The following ME1 variants were observed in gnomAD, a reference collection of about 807,000 sequenced individuals.
The protein encoded by ME1 is malic enzyme 1.
ME1 carries 74 observed loss-of-function variants against 66.4 expected under a neutral mutation model. The ratio of observed to expected loss-of-function variants is 1.11; its 90% CI spans 0.92 to 1.35. The LOEUF (loss-of-function observed/expected upper bound fraction) is 1.35, where lower values mean the gene tolerates loss of function less well. Among genes scored for constraint, ME1 ranks in the 40% most tolerant of loss-of-function variants. ME1 has a pLI of 0.00. For missense variants in ME1, 750 were observed against 694.1 expected, an observed-to-expected ratio of 1.08 and a Z score of -0.90; for synonymous variants, 251 against 235.6, an observed-to-expected ratio of 1.07 and a Z score of -0.60.
intron 12 of ME1, among the ~76,000 whole-genome samples, chr6:83,218,419 C>T (rs1347040449): frequency 6.6e-6 from 1 of 152,176 alleles, no homozygotes; most frequent in African/African-American, 2.4e-5. Context: ...TTCCCCTCCT[C>T]AGCGTGAGCA....
chr6:83,293,136 C>T (rs975497233), intron 6 of ME1, among the ~76,000 whole-genome samples: 4 of 152,132 alleles, frequency 2.6e-5, no homozygotes, highest in Non-Finnish European at 5.9e-5. Flanking sequence ...TCAGCTTGCC[C>T]TCTGTGGGCT....
At chr6:83,245,852 A>T (rs1016242) in intron 7 of ME1, among the ~76,000 whole-genome samples, 42,715 of 151,962 alleles carry the variant, frequency 0.28, 6,294 homozygotes, top group Middle Eastern at 0.39. Flanking sequence ...GATAGTCTAA[A>T]TTTTTTTTGC....
chr6:83,317,236 C>A (rs891300235), intron 5 of ME1, among the ~76,000 whole-genome samples: 1 of 151,374 alleles, frequency 6.6e-6, no homozygotes, highest in African/African-American at 2.4e-5. Context: ...GTTTTAATAA[C>A]TTTTTAAGAA....
intron 6 of ME1, among the ~76,000 whole-genome samples, chr6:83,287,387 A>T (rs1176579012): frequency 6.6e-6 from 1 of 152,114 alleles, no homozygotes; most frequent in East Asian, 1.9e-4. Context: ...CCCACTTAGG[A>T]GTGAGAACAT....
intron 6 of ME1, among the ~76,000 whole-genome samples, chr6:83,302,358 T>C (rs538779525): frequency 8.5e-5 from 13 of 152,214 alleles, no homozygotes; most frequent in Admixed American, 4.6e-4. Context: ...ACGAGTACTA[T>C]GCTTAGTTCC....
chr6:83,291,931 T>C (rs1767511876), intron 6 of ME1, among the ~76,000 whole-genome samples: 1 of 152,150 alleles, frequency 6.6e-6, no homozygotes, highest in Non-Finnish European at 1.5e-5. Context: ...AGCTTGTGTT[T>C]GCTTCGCGAA....
chr6:83,293,639 A>C (rs1234379820), intron 6 of ME1, among the ~76,000 whole-genome samples: 2 of 152,228 alleles, frequency 1.3e-5, no homozygotes, highest in African/African-American at 4.8e-5. Flanking sequence ...AATTTTGCCC[A>C]GGAAATCAAC....
At chr6:83,379,285 A>G (rs1769350136) in intron 3 of ME1, among the ~76,000 whole-genome samples, 1 of 152,104 alleles carries the variant, frequency 6.6e-6, no homozygotes, top group African/African-American at 2.4e-5. Context: ...CTTACTAGAA[A>G]AATTAGTGAC....
At chr6:83,230,363 T>C (rs1790281560) in intron 9 of ME1, among the ~76,000 whole-genome samples, 1 of 152,114 alleles carries the variant, frequency 6.6e-6, no homozygotes, top group Admixed American at 6.6e-5. Context: ...AGACAGGCTC[T>C]GTTTTTAAAA....
chr6:83,314,718 G>A (rs1362711829), intron 6 of ME1, among the ~76,000 whole-genome samples: 1 of 152,072 alleles, frequency 6.6e-6, no homozygotes, highest in Non-Finnish European at 1.5e-5. Flanking sequence ...AATGGTCTCA[G>A]GTGATTTGGA....
intron 6 of ME1, among the ~76,000 whole-genome samples, chr6:83,304,886 AT>A (rs1405188390): frequency 6.6e-6 from 1 of 152,126 alleles, no homozygotes; most frequent in East Asian, 1.9e-4. Flanking sequence ...CTCAAACAAT[AT>A]TTACTACCAA....
chr6:83,348,365 C>T (rs1768726813), intron 4 of ME1, among the ~76,000 whole-genome samples: 1 of 152,064 alleles, frequency 6.6e-6, no homozygotes, highest in African/African-American at 2.4e-5. Context: ...TTTTACATAT[C>T]GTTGATAATA....
intron 12 of ME1, 79 bp from the exon 13 acceptor site, chr6:83,216,675 C>T (rs753255330): frequency 1.5e-4 from 133 of 891,104 alleles, no homozygotes; most frequent in African/African-American, 3.0e-4. Context: ...ACTAAGTGAA[C>T]GGTTACATAT....
chr6:83,237,621 G>A (rs1469267040), intron 9 of ME1, 96 bp downstream of exon 9: 1 of 614,956 alleles, frequency 1.6e-6, no homozygotes, highest in Non-Finnish European at 2.9e-6. Context: ...TTTTAATATA[G>A]TGTAAAGGGA....
At chr6:83,275,349 CAAATAATAAT>C (rs1767157290) in intron 6 of ME1, among the ~76,000 whole-genome samples, 1 of 103,648 alleles carries the variant, frequency 9.6e-6, no homozygotes, top group South Asian at 2.6e-4. Flanking sequence ...AAGAAACAAA[CAAATAATAAT>C]AATAATAATA....
In ME1 at chr6:83,228,865, C is replaced by G; in HGVS notation, c.1093G>C (p.Glu365Gln). Residue 365 changes from glutamate (E) to glutamine (Q), a missense_variant, in exon 10 of 14, where the codon GAA (glutamate) becomes CAA (glutamine). By Grantham distance (29) the Glu-to-Gln change is conservative. Transcript: ENST00000369705. ...GGTTTTATTTCTTGAACAATGGCTT[C>G]TAGGTTCTTCATTTCTTCATGTTCA... Reference protein sequence around the residue: ...AHEHEEMKNLEAIVQEIKPTA... With the variant: ...AHEHEEMKNLQAIVQEIKPTA... 6.2e-7 allele frequency: 1 copy of G among 1,613,398 alleles called. No individual in the cohort carries two copies. The highest frequency in any genetic ancestry group is 1.3e-5 in the African/African-American group (1 of 74,942).
chr6:83,359,960 G>A (rs943803009), intron 3 of ME1, among the ~76,000 whole-genome samples: 11 of 152,316 alleles, frequency 7.2e-5, no homozygotes, highest in South Asian at 4.1e-4. Context: ...GTAATAGAGA[G>A]CAGAGGCAAT....
intron 7 of ME1, among the ~76,000 whole-genome samples, chr6:83,250,465 A>G (rs1790703919): frequency 6.6e-6 from 1 of 152,220 alleles, no homozygotes; most frequent in Non-Finnish European, 1.5e-5. Flanking sequence ...GTGACTCTAT[A>G]GTCCAAGCTC....
intron 3 of ME1, among the ~76,000 whole-genome samples, chr6:83,383,460 A>T (rs1267832463): frequency 6.6e-6 from 1 of 151,854 alleles, no homozygotes; most frequent in Non-Finnish European, 1.5e-5. Context: ...TAGTACAAGC[A>T]CCCAATTAAT....
Sources: allele counts gnomAD v4.1 joint callset (sites outside exome capture counted in the v4.1 genomes callset), GRCh38; gene constraint gnomAD v4.1.1; transcripts MANE v1.5; gene names NCBI Gene and HGNC (gene_info 2026-07-23, HGNC 2026-07-21).